DIAPH2: variants seen among roughly 807,000 people sequenced by gnomAD.
DIAPH2 encodes the protein diaphanous related formin 2.
DIAPH2 carries 35 observed loss-of-function variants against 92.7 expected under a neutral mutation model. That is an observed-to-expected ratio of 0.38 (90% CI 0.29 to 0.50). The LOEUF (loss-of-function observed/expected upper bound fraction) is 0.50. DIAPH2 is among the 20% of genes least tolerant of loss of function. The pLI, the probability that DIAPH2 is intolerant of heterozygous loss-of-function variation, is 0.94. For missense variants in DIAPH2, 701 were observed against 819.5 expected (o/e 0.86, Z 1.77); for synonymous variants, 301 against 280.4 (o/e 1.07, Z -0.73).
intron 23 of DIAPH2, among the ~76,000 whole-genome samples, chrX:97,250,732 A>T (rs1193680004): frequency 1.8e-5 from 2 of 111,755 alleles, no homozygotes; most frequent in Admixed American, 1.9e-4. Context: ...GACAGTGAAG[A>T]TCATCTAGTC....
At position 97,093,635 on chromosome X, in the gene DIAPH2, TAAAC is replaced by T. The variant is rs758193546; in HGVS notation, c.2248-6055_2248-6052del. Among the ~76,000 whole-genome samples the T allele has an allele frequency of 2.9e-3, 321 of 112,357 alleles. 2 individuals carry two copies. The highest frequency in any genetic ancestry group is 0.01 in the African/African-American group (319 of 30,966). On this transcript the variant is annotated intron_variant, in intron 19 of 26. Transcript: ENST00000324765. ...TTATTTTAGAGTACAAAATAGGACA[TAAAC>T]AAAATAAAAGGTAAATAGCATCAAA...
intron 17 of DIAPH2, among the ~76,000 whole-genome samples, chrX:97,039,738 T>A (rs2066435823): frequency 9.0e-6 from 1 of 111,508 alleles, no homozygotes; most frequent in Non-Finnish European, 1.9e-5. Context: ...ATCGTACATC[T>A]ATTGACTTGC....
chrX:97,513,869 C>T (rs1392227631), intron 26 of DIAPH2, among the ~76,000 whole-genome samples: 3 of 102,917 alleles, frequency 2.9e-5, no homozygotes, highest in South Asian at 4.7e-4. Context: ...TGGTTTCTGC[C>T]GAGAGATCCG....
intron 17 of DIAPH2, among the ~76,000 whole-genome samples, chrX:96,988,244 T>A (rs1056991656): frequency 1.8e-5 from 2 of 110,169 alleles, no homozygotes; most frequent in Non-Finnish European, 3.8e-5. Flanking sequence ...ACTGTGAGTT[T>A]CAGATAGTAT....
intron 14 of DIAPH2, among the ~76,000 whole-genome samples, chrX:96,946,642 A>G (rs2065739764): frequency 1.8e-5 from 2 of 111,737 alleles, no homozygotes; most frequent in Admixed American, 9.5e-5. Flanking sequence ...ATGCTTTTTG[A>G]TTAATAGACC....
chrX:96,734,339 T>C (rs1043787381), intron 1 of DIAPH2, among the ~76,000 whole-genome samples: 2 of 112,054 alleles, frequency 1.8e-5, no homozygotes, highest in African/African-American at 6.5e-5. Flanking sequence ...CAAAAACACA[T>C]GTGGACAAGC....
chrX:97,271,404 A>G (rs1486488642), intron 23 of DIAPH2, among the ~76,000 whole-genome samples: 3 of 112,450 alleles, frequency 2.7e-5, no homozygotes, highest in Non-Finnish European at 5.6e-5. Context: ...GCCACATTAA[A>G]TAGCACTAGA....
At chrX:96,993,328 A>T (rs1245666315) in intron 17 of DIAPH2, among the ~76,000 whole-genome samples, 1 of 112,034 alleles carries the variant, frequency 8.9e-6, no homozygotes, top group Non-Finnish European at 1.9e-5. Context: ...AAAAGAGAGG[A>T]TGTGTATTAG....
chrX:96,851,932 C>T (rs1315693258), intron 4 of DIAPH2, among the ~76,000 whole-genome samples: 1 of 111,887 alleles, frequency 8.9e-6, no homozygotes, highest in Non-Finnish European at 1.9e-5. Flanking sequence ...TGTAAGAATT[C>T]CACTGTAGAT....
intron 23 of DIAPH2, among the ~76,000 whole-genome samples, chrX:97,265,512 C>G (rs1223354887): frequency 1.8e-5 from 2 of 111,457 alleles, no homozygotes; most frequent in Non-Finnish European, 3.8e-5. Flanking sequence ...GACTGGGGAG[C>G]CACTTTAGGT....
chrX:97,341,116 C>G (rs746261722), intron 23 of DIAPH2: 1 of 107,846 alleles, frequency 9.3e-6, no homozygotes, highest in Non-Finnish European at 1.9e-5. Context: ...TGCTTGAGCC[C>G]GGGAGTTCTG....
At chrX:97,339,585 G>T (rs1008963905) in intron 23 of DIAPH2, among the ~76,000 whole-genome samples, 1 of 111,838 alleles carries the variant, frequency 8.9e-6, no homozygotes, top group African/African-American at 3.2e-5. Context: ...TAACTTTCCA[G>T]ATTCATGACT....
chrX:97,553,693 A>G (rs1021461263), intron 26 of DIAPH2, among the ~76,000 whole-genome samples: 1 of 109,409 alleles, frequency 9.1e-6, no homozygotes, highest in African/African-American at 3.3e-5. Context: ...AAAGAAGAAG[A>G]AGAAGAAAAT....
chrX:97,446,284 A>G, intron 26 of DIAPH2, among the ~76,000 whole-genome samples: 1 of 112,343 alleles, frequency 8.9e-6, no homozygotes, highest in Non-Finnish European at 1.9e-5. Flanking sequence ...AAGTTCCTCA[A>G]ACTACAGTGC....
chrX:97,469,865 T>A (rs999290796), intron 26 of DIAPH2: 25 of 1,097,403 alleles, frequency 2.3e-5, no homozygotes, highest in Non-Finnish European at 3.0e-5. Context: ...CTCTTTTCTT[T>A]CTGCCTAAGG....
intron 26 of DIAPH2, among the ~76,000 whole-genome samples, chrX:97,478,045 G>A (rs1475778237): frequency 8.9e-6 from 1 of 111,777 alleles, no homozygotes; most frequent in African/African-American, 3.3e-5. Context: ...TCAGTAATAA[G>A]TGGAAGAGTG....
intron 3 of DIAPH2, among the ~76,000 whole-genome samples, chrX:96,746,402 G>A (rs1276462095): frequency 8.9e-6 from 1 of 111,756 alleles, no homozygotes; most frequent in Non-Finnish European, 1.9e-5. Flanking sequence ...CCTGCATGGG[G>A]TAAATCACAC....
chrX:96,752,614 A>G (rs906335698), intron 3 of DIAPH2, among the ~76,000 whole-genome samples: 2 of 111,666 alleles, frequency 1.8e-5, no homozygotes, highest in African/African-American at 6.5e-5. Flanking sequence ...ACAGTCTTGA[A>G]GTATAATAGC....
chrX:97,389,006 G>A (rs1035113416), intron 25 of DIAPH2, among the ~76,000 whole-genome samples: 1 of 110,995 alleles, frequency 9.0e-6, no homozygotes, highest in Non-Finnish European at 1.9e-5. Context: ...AAAACTTCAC[G>A]ATACACTCAG....
Sources: allele counts gnomAD v4.1 joint callset (sites outside exome capture counted in the v4.1 genomes callset), GRCh38; gene constraint gnomAD v4.1.1; transcripts MANE v1.5; gene names NCBI Gene and HGNC (gene_info 2026-07-23, HGNC 2026-07-21).